The following CUX1 variants were observed in gnomAD, a reference collection of about 807,000 sequenced individuals.
CUX1 encodes cut like homeobox 1.
Under a neutral mutation model 158.8 loss-of-function variants are expected in CUX1, and 31 were observed. The ratio of observed to expected loss-of-function variants is 0.20; its 90% CI spans 0.15 to 0.26. The LOEUF is 0.26. Among genes scored for constraint, CUX1 ranks in the 10% least tolerant of loss-of-function variants. The probability of loss-of-function intolerance (pLI) is 1.00; values close to 1 mark genes in which losing one functional copy is unlikely to be tolerated. For missense variants in CUX1, 1,589 were observed against 2,014.6 expected (o/e 0.79, Z 4.04); for synonymous variants, 879 against 862.1 (o/e 1.02, Z -0.34).
At chr7:101,913,588 G>GT (rs1554414780) in intron 1 of CUX1, 1 of 249,622 alleles carries the variant, frequency 4.0e-6, no homozygotes, top group Non-Finnish European at 7.5e-6. Flanking sequence ...CTTCCCCAGC[G>GT]TTTCCCACAC....
At chr7:102,278,423 C>A (rs186964513) in intron 18 of CUX1, among the ~76,000 whole-genome samples, 28 of 151,960 alleles carry the variant, frequency 1.8e-4, no homozygotes, top group Non-Finnish European at 3.2e-4. Flanking sequence ...AACCCCGTCT[C>A]TACTAAAAAT....
At chr7:102,032,221 G>A (rs1210703605) in intron 3 of CUX1, among the ~76,000 whole-genome samples, 8 of 151,616 alleles carry the variant, frequency 5.3e-5, no homozygotes, top group South Asian at 2.1e-4. Context: ...GGGCCACCAC[G>A]CCTGGCCTGG....
chr7:101,825,780 TGTGTGTGTGTGTGTGTGTGC>T (rs1793196715), intron 1 of CUX1, among the ~76,000 whole-genome samples: 1 of 99,908 alleles, frequency 1.0e-5, no homozygotes, highest in Non-Finnish European at 2.0e-5. Flanking sequence ...TGTGTGTGTG[TGTGTGTGTGTGTGTGTGTGC>T]GCGCGCGCGC....
chr7:102,235,362 G>A (rs937709899), intron 22 of CUX1, among the ~76,000 whole-genome samples: 2 of 152,174 alleles, frequency 1.3e-5, no homozygotes, highest in African/African-American at 2.4e-5. Flanking sequence ...CGTAAGAAGC[G>A]GCAGCCTCCC....
intron 1 of CUX1, among the ~76,000 whole-genome samples, chr7:101,879,495 A>T (rs926456036): frequency 3.9e-5 from 6 of 152,068 alleles, no homozygotes; most frequent in African/African-American, 1.4e-4. Flanking sequence ...TGGCTGTCCC[A>T]GTTGCTTCCC....
chr7:101,895,702 A>G (rs1476617833), intron 1 of CUX1, among the ~76,000 whole-genome samples: 1 of 152,182 alleles, frequency 6.6e-6, no homozygotes, highest in Non-Finnish European at 1.5e-5. Flanking sequence ...GAAGGAATTC[A>G]TGGCTGCCTG....
chr7:101,845,864 C>T (rs1584741238), intron 1 of CUX1, among the ~76,000 whole-genome samples: 1 of 152,070 alleles, frequency 6.6e-6, no homozygotes, highest in African/African-American at 2.4e-5. Context: ...CAAAATTAGC[C>T]AGATGCAGTG....
chr7:101,931,670 A>G (rs1008880143), intron 2 of CUX1, among the ~76,000 whole-genome samples: 1 of 152,048 alleles, frequency 6.6e-6, no homozygotes, highest in African/African-American at 2.4e-5. Context: ...GGCTCAAGCG[A>G]TCCTCACTTC....
chr7:102,117,569 G>A (rs897744496), intron 8 of CUX1, among the ~76,000 whole-genome samples: 4 of 152,146 alleles, frequency 2.6e-5, no homozygotes, highest in Admixed American at 1.3e-4. Context: ...TGGCCTTGGG[G>A]AGGGAAGAGG....
At position 102,213,828 on chromosome 7, in the gene CUX1, C is replaced by T. The variant is rs186637716; in HGVS notation, c.3130+8658C>T. On this transcript the variant is annotated intron_variant, in intron 20 of 23. Coordinates refer to ENST00000292535, the MANE Select transcript of CUX1 (RefSeq NM_181552.4). The stretch of plus-strand genomic sequence containing the variant: ...CTGTGCCACTCACAGAGCTGATGTC[C>T]GTAATCCTTAATCAGTAAGTGAGGC... Among the ~76,000 whole-genome samples the T allele has an allele frequency of 5.3e-5, 8 of 152,224 alleles. No individual in the cohort carries two copies. In the East Asian group the frequency reaches 7.7e-4, roughly 15 times the overall value.
At chr7:101,903,563 G>T (rs1802397739) in intron 1 of CUX1, among the ~76,000 whole-genome samples, 1 of 152,150 alleles carries the variant, frequency 6.6e-6, no homozygotes, top group Non-Finnish European at 1.5e-5. Context: ...TCAAATATCA[G>T]TAATGTCATG....
At chr7:102,130,597 C>T (rs1309325467) in intron 8 of CUX1, among the ~76,000 whole-genome samples, 1 of 151,972 alleles carries the variant, frequency 6.6e-6, no homozygotes, top group Non-Finnish European at 1.5e-5. Context: ...AGGAGAATCG[C>T]TTGAACCCAG....
At position 102,189,840 on chromosome 7, in the gene CUX1, G is replaced by A. The variant is rs1794089723; in HGVS notation, c.1045G>A (p.Ala349Thr). Residue 349 changes from alanine to threonine, a missense_variant, in exon 12 of 24, where the codon GCT becomes ACT. Around this residue, in one of 8 missense-constraint regions of CUX1, gnomAD observed 515 missense variants for 574.4 expected, o/e 0.90. Transcript: ENST00000292535. ...KQLEEKLKGQ[A>T]DYEEVKKELN... Reference sequence around the variant, plus strand: ...ACTGGAAGAAAAACTCAAAGGCCAGGCTGACTATGAAGAGGTGAAGAAAGA... The same window carrying A: ...ACTGGAAGAAAAACTCAAAGGCCAGACTGACTATGAAGAGGTGAAGAAAGA... 1.2e-6 allele frequency: 2 copies of A among 1,614,150 alleles called. No individual in the cohort carries two copies. The highest frequency in any genetic ancestry group is 1.3e-5 in the African/African-American group (1 of 74,956).
At chr7:101,937,760 G>A (rs1238943257) in intron 2 of CUX1, among the ~76,000 whole-genome samples, 2 of 152,102 alleles carry the variant, frequency 1.3e-5, no homozygotes, top group East Asian at 1.9e-4. Context: ...TGATCCACCC[G>A]CCTTGGCCTC....
intron 1 of CUX1, among the ~76,000 whole-genome samples, chr7:101,870,549 A>G (rs1380672715): frequency 6.6e-6 from 1 of 152,212 alleles, no homozygotes; most frequent in African/African-American, 2.4e-5. Flanking sequence ...GCGATACTCC[A>G]GTCAAGGCTG....
At chr7:101,995,475 A>C (rs553595481) in intron 2 of CUX1, among the ~76,000 whole-genome samples, 2 of 152,360 alleles carry the variant, frequency 1.3e-5, no homozygotes, top group African/African-American at 4.8e-5. Flanking sequence ...TTTGGATTCA[A>C]TGACCTTCAT....
At chr7:101,928,694 G>A (rs1157790033) in intron 2 of CUX1, among the ~76,000 whole-genome samples, 2 of 138,520 alleles carry the variant, frequency 1.4e-5, no homozygotes, top group African/African-American at 2.7e-5. Flanking sequence ...TTTTTGAGAC[G>A]GAGTCTCGCT....
chr7:102,235,987 A>G (rs1586374957), intron 22 of CUX1, among the ~76,000 whole-genome samples: 2 of 151,882 alleles, frequency 1.3e-5, no homozygotes, highest in African/African-American at 4.8e-5. Flanking sequence ...AGAGGCTTCT[A>G]TTTTCTGAGA....
chr7:102,223,948 A>T (rs1308231828), intron 20 of CUX1, among the ~76,000 whole-genome samples: 1 of 152,188 alleles, frequency 6.6e-6, no homozygotes, highest in Non-Finnish European at 1.5e-5. Context: ...TGGGCAACAG[A>T]GGGAGACTCT....
Sources: allele counts gnomAD v4.1 joint callset (sites outside exome capture counted in the v4.1 genomes callset), GRCh38; gene constraint gnomAD v4.1.1; regional missense constraint gnomAD v4.1.1; transcripts MANE v1.5; gene names NCBI Gene and HGNC (gene_info 2026-07-23, HGNC 2026-07-21).